FHIT: variants seen among roughly 807,000 people sequenced by gnomAD.
FHIT encodes the protein bis(5'-adenosyl)-triphosphatase.
FHIT carries 19 observed loss-of-function variants against 17.9 expected under a neutral mutation model. That is an observed-to-expected ratio of 1.06 (90% CI 0.74 to 1.56). The LOEUF is 1.56. Ranked by LOEUF, FHIT falls within the 40% of genes most tolerant of loss-of-function variation. The pLI is 0.00. For synonymous variants in FHIT, 81 were observed against 69.7 expected (o/e 1.16, Z -0.81); for missense variants, 248 against 189.2 (o/e 1.31, Z -1.82).
chr3:60,701,133 T>G (rs2041235716), intron 4 of FHIT, among the ~76,000 whole-genome samples: 1 of 151,666 alleles, frequency 6.6e-6, no homozygotes. Flanking sequence ...CTTTTTTTTT[T>G]TTTTTTTTAA....
chr3:59,959,909 G>T (rs778477180), intron 7 of FHIT, among the ~76,000 whole-genome samples: 3 of 152,148 alleles, frequency 2.0e-5, no homozygotes, highest in Non-Finnish European at 4.4e-5. Context: ...TGAAAGAATG[G>T]GGCTAGAGAA....
rs1491110867 is a variant in FHIT at position 60,441,784 on chromosome 3, A to ATGTGTGTGTGTG, written c.103+95075_103+95076insCACACACACACA. On this transcript the variant is annotated intron_variant, in intron 5 of 9. Transcript: ENST00000492590. ...TATATATATATTTATATGTATAAAA[A>ATGTGTGTGTGTG]TATATATATATATATATATATATAT... is the stretch of plus-strand genomic sequence containing the variant. 8.7e-4 allele frequency among the ~76,000 whole-genome samples: 24 copies of ATGTGTGTGTGTG among 27,656 alleles called. 1 individual carries two copies. The highest frequency in any genetic ancestry group is 6.8e-3 in the East Asian group (5 of 736). The allele number at this position is 27,656 out of a possible 152,430, so 18.1% of individuals were successfully genotyped here. A position where few individuals can be genotyped will look rare whatever the true frequency, so the allele number is the denominator to read the frequency against.
intron 4 of FHIT, among the ~76,000 whole-genome samples, chr3:60,634,675 G>C (rs2039533516): frequency 6.6e-6 from 1 of 152,168 alleles, no homozygotes; most frequent in Admixed American, 6.5e-5. Flanking sequence ...CGAGCACCAA[G>C]ATGAAAAAAT....
At chr3:60,960,338 T>C (rs541322272) in intron 3 of FHIT, among the ~76,000 whole-genome samples, 2 of 152,308 alleles carry the variant, frequency 1.3e-5, no homozygotes, top group South Asian at 2.1e-4. Flanking sequence ...TCACTGTTGC[T>C]CTTGGTTGGA....
intron 8 of FHIT, among the ~76,000 whole-genome samples, chr3:59,787,537 G>T (rs1315142070): frequency 6.9e-6 from 1 of 145,484 alleles, no homozygotes; most frequent in Non-Finnish European, 1.5e-5. Flanking sequence ...CACGTCAAAG[G>T]CTTCTCCCTC....
chr3:60,895,229 T>C (rs1705731538), intron 3 of FHIT, among the ~76,000 whole-genome samples: 1 of 152,206 alleles, frequency 6.6e-6, no homozygotes, highest in Non-Finnish European at 1.5e-5. Flanking sequence ...ATTAGATTCA[T>C]AGTACATGTT....
intron 5 of FHIT, among the ~76,000 whole-genome samples, chr3:60,025,494 T>C (rs1341712018): frequency 1.3e-5 from 2 of 151,854 alleles, no homozygotes; most frequent in Non-Finnish European, 2.9e-5. Context: ...AGAAAAGAAG[T>C]TCACTCTGTC....
intron 2 of FHIT, among the ~76,000 whole-genome samples, chr3:61,048,168 C>T (rs1386636519): frequency 3.3e-5 from 5 of 151,576 alleles, no homozygotes; most frequent in East Asian, 1.9e-4. Flanking sequence ...CAAAAGAAAC[C>T]ACCATCAGAG....
intron 4 of FHIT, among the ~76,000 whole-genome samples, chr3:60,663,168 A>ATATATATATATATAT (rs1553691642): frequency 5.0e-5 from 7 of 139,502 alleles, no homozygotes; most frequent in African/African-American, 1.3e-4. Flanking sequence ...ATATCTCTTT[A>ATATATATATATATAT]ATGTTGGGTT....
rs576932022 is a variant in FHIT, at chr3:60,083,504, A to G, written c.104-69352T>C. On this transcript the variant is annotated intron_variant, in intron 5 of 9. Coordinates refer to ENST00000492590, the MANE Select transcript of FHIT (RefSeq NM_002012.4). ...TGAAAAATGACATTGGTAGTTTGAT[A>G]GGAATACCACTGAAAACCTGTATAT... Among the ~76,000 whole-genome samples the G allele has an allele frequency of 4.0e-5, 4 of 99,112 alleles. No individual in the cohort carries two copies. The East Asian group carries it at 1.5e-3, about 37-fold the overall frequency. The allele number at this position is 99,112 out of a possible 152,430, so 65.0% of individuals were successfully genotyped here.
At chr3:60,184,659 C>A (rs940023634) in intron 5 of FHIT, among the ~76,000 whole-genome samples, 1 of 151,990 alleles carries the variant, frequency 6.6e-6, no homozygotes, top group African/African-American at 2.4e-5. Flanking sequence ...TTTTTTCCTC[C>A]TTTTTAAGCT....
chr3:60,092,451 G>T (rs931711705), intron 5 of FHIT, among the ~76,000 whole-genome samples: 12 of 152,202 alleles, frequency 7.9e-5, no homozygotes, highest in Non-Finnish European at 1.8e-4. Flanking sequence ...TAGAGGTAAT[G>T]TAAGAGATTT....
chr3:59,994,619 A>G (rs1419119006), intron 7 of FHIT, among the ~76,000 whole-genome samples: 4 of 152,100 alleles, frequency 2.6e-5, no homozygotes, highest in Non-Finnish European at 5.9e-5. Flanking sequence ...CCAGCCACAC[A>G]TTCAAAACAA....
intron 5 of FHIT, among the ~76,000 whole-genome samples, chr3:60,294,364 A>AT (rs1317971349): frequency 6.6e-6 from 1 of 152,186 alleles, no homozygotes; most frequent in Non-Finnish European, 1.5e-5. Context: ...TCAGAGATGA[A>AT]TCATTTGAAA....
chr3:60,404,367 G>A (rs921549773), intron 5 of FHIT, among the ~76,000 whole-genome samples: 3 of 152,064 alleles, frequency 2.0e-5, no homozygotes, highest in Non-Finnish European at 2.9e-5. Context: ...AACCCAAAAA[G>A]AGACAGAGAA....
chr3:60,167,871 C>A (rs11916042), intron 5 of FHIT, among the ~76,000 whole-genome samples: 129,336 of 151,998 alleles, frequency 0.85, 55,138 homozygotes, highest in East Asian at 0.99. Flanking sequence ...CCTCTACAGA[C>A]AAAAAGCAAA....
chr3:60,424,538 A>C (rs1359923226), intron 5 of FHIT, among the ~76,000 whole-genome samples: 1 of 152,070 alleles, frequency 6.6e-6, no homozygotes, highest in African/African-American at 2.4e-5. Flanking sequence ...AATCAGTCAC[A>C]ATCTCTTGTG....
chr3:59,903,372 C>G (rs1704424396), intron 8 of FHIT, among the ~76,000 whole-genome samples: 1 of 152,156 alleles, frequency 6.6e-6, no homozygotes, highest in Admixed American at 6.5e-5. Context: ...GACAGTTACA[C>G]AACTCTGAAT....
chr3:60,963,679 G>C (rs999929518), intron 3 of FHIT, among the ~76,000 whole-genome samples: 3 of 152,002 alleles, frequency 2.0e-5, no homozygotes, highest in African/African-American at 4.8e-5. Flanking sequence ...GCCTTCATTT[G>C]GTTATGTGCC....
Sources: allele counts gnomAD v4.1 joint callset (sites outside exome capture counted in the v4.1 genomes callset), GRCh38; gene constraint gnomAD v4.1.1; transcripts MANE v1.5; gene names NCBI Gene and HGNC (gene_info 2026-07-23, HGNC 2026-07-21).